The following OPCML variants were observed in gnomAD, a reference collection of about 807,000 sequenced individuals.
OPCML encodes the protein opioid binding protein/cell adhesion molecule like.
Under a neutral mutation model 37.8 loss-of-function variants are expected in OPCML, and 13 were observed. The observed-to-expected ratio is 0.34, with a 90% CI of 0.22 to 0.55. The LOEUF (loss-of-function observed/expected upper bound fraction) is 0.55. OPCML is among the 20% of genes least tolerant of loss of function. The pLI is 0.91. For synonymous variants in OPCML, 176 were observed against 168.8 expected (o/e 1.04, Z -0.33); for missense variants, 341 against 435.6 (o/e 0.78, Z 1.93).
intron 1 of OPCML, among the ~76,000 whole-genome samples, chr11:133,480,480 TGCTC>T (rs1031216456): frequency 6.6e-6 from 1 of 152,214 alleles, no homozygotes; most frequent in Non-Finnish European, 1.5e-5. Flanking sequence ...GCCTTCCACT[TGCTC>T]GCCACGTGAC....
chr11:132,605,494 G>T (rs548201386), intron 3 of OPCML, among the ~76,000 whole-genome samples: 4 of 152,208 alleles, frequency 2.6e-5, no homozygotes, highest in South Asian at 2.1e-4. Context: ...AACCCGGGAG[G>T]TGGAGGTTGC....
intron 1 of OPCML, among the ~76,000 whole-genome samples, chr11:133,051,446 C>T (rs1948130067): frequency 6.6e-6 from 1 of 152,172 alleles, no homozygotes; most frequent in Admixed American, 6.5e-5. Flanking sequence ...TTAAAGCACC[C>T]CTTCCTGTTC....
At chr11:132,750,325 T>C (rs1349974637) in intron 2 of OPCML, among the ~76,000 whole-genome samples, 1 of 152,210 alleles carries the variant, frequency 6.6e-6, no homozygotes, top group African/African-American at 2.4e-5. Flanking sequence ...AGCATGTGTA[T>C]GTCTGCTGAT....
intron 4 of OPCML, among the ~76,000 whole-genome samples, chr11:132,512,775 TA>T (rs916962296): frequency 1.3e-5 from 2 of 151,762 alleles, no homozygotes; most frequent in Admixed American, 1.3e-4. Flanking sequence ...TATTAAACTC[TA>T]AAAAAGTCTA....
In OPCML at chr11:132,681,760, C is replaced by A. The variant is rs1297514092; in HGVS notation, c.147-24441G>T. On this transcript the variant is annotated intron_variant, in intron 2 of 7. Coordinates refer to ENST00000524381, the MANE Select transcript of OPCML (RefSeq NM_001012393.5). ...CACGAGGTCAGGAGATCGAGACCAT[C>A]CTGGCTAACACGGTGAAACCCCGTC... Among the ~76,000 whole-genome samples, 8 of 152,064 alleles carry A rather than the reference C, an allele frequency of 5.3e-5. No homozygotes were observed. In the East Asian group the frequency reaches 1.6e-3, roughly 29 times the overall value.
rs181644328 is a variant in OPCML at position 133,236,585 on chromosome 11, A to C, written c.62-293575T>G. ...CAAAATTTATTCAAAGACCTGTGCT[A>C]ACATTCTTAAATACCTGCTAGCCGT... is the stretch of plus-strand genomic sequence containing the variant. On this transcript the variant is annotated intron_variant, in intron 1 of 7. Transcript: ENST00000524381. Among the ~76,000 whole-genome samples the C allele has an allele frequency of 1.7e-3, 260 of 152,344 alleles. 1 individual carries two copies. Among genetic ancestry groups the C allele is most frequent in the African/African-American group, 5.9e-3 (246 of 41,564 alleles).
intron 3 of OPCML, among the ~76,000 whole-genome samples, chr11:132,541,907 G>C (rs1402243974): frequency 6.6e-6 from 1 of 152,200 alleles, no homozygotes; most frequent in African/African-American, 2.4e-5. Context: ...GCAAGGTTTG[G>C]AACAGAAGTG....
chr11:133,266,103 C>G (rs544004234), intron 1 of OPCML, among the ~76,000 whole-genome samples: 35 of 152,148 alleles, frequency 2.3e-4, no homozygotes, highest in Admixed American at 7.9e-4. Context: ...TCAGGGTAAC[C>G]AATCCCAAGT....
Position 133,280,514 on chromosome 11 carries a change from T to A in OPCML, c.61+251750A>T, listed in dbSNP as rs114957325. Reference sequence around the variant, plus strand: ...CTACTCTGCCCTCCCCATTTTAAATTTCAAGACAAGATCAAATCCCCTAAC... The same window carrying A: ...CTACTCTGCCCTCCCCATTTTAAATATCAAGACAAGATCAAATCCCCTAAC... On this transcript the variant is annotated intron_variant, in intron 1 of 7. Coordinates refer to ENST00000524381, the MANE Select transcript of OPCML (RefSeq NM_001012393.5). 9.7e-3 allele frequency among the ~76,000 whole-genome samples: 1,478 copies of A among 152,272 alleles called. 19 individuals are homozygous for A. The highest frequency in any genetic ancestry group is 0.034 in the African/African-American group (1,416 of 41,554).
At chr11:133,304,806 C>A (rs922322887) in intron 1 of OPCML, among the ~76,000 whole-genome samples, 3 of 152,178 alleles carry the variant, frequency 2.0e-5, no homozygotes, top group African/African-American at 7.2e-5. Flanking sequence ...CACGTAACCC[C>A]TTCCTTTTCA....
intron 2 of OPCML, among the ~76,000 whole-genome samples, chr11:132,800,299 A>T (rs2136200854): frequency 6.6e-6 from 1 of 152,328 alleles, no homozygotes. Flanking sequence ...AGTTCTAATC[A>T]AACTTTTAAT....
intron 1 of OPCML, among the ~76,000 whole-genome samples, chr11:133,329,094 G>C (rs1282300553): frequency 6.6e-6 from 1 of 152,132 alleles, no homozygotes; most frequent in Non-Finnish European, 1.5e-5. Context: ...TTGCTTCAAA[G>C]AGAATAAAAT....
chr11:132,540,527 C>T (rs2096353623), intron 3 of OPCML, among the ~76,000 whole-genome samples: 1 of 152,142 alleles, frequency 6.6e-6, no homozygotes, highest in African/African-American at 2.4e-5. Context: ...GTTATTTGGT[C>T]TTATATACTC....
chr11:132,833,672 C>A (rs938792936), intron 2 of OPCML, among the ~76,000 whole-genome samples: 1 of 152,212 alleles, frequency 6.6e-6, no homozygotes, highest in African/African-American at 2.4e-5. Context: ...TTTACACCAG[C>A]ATCACTACAA....
chr11:132,872,055 C>T (rs1422975267), intron 2 of OPCML, among the ~76,000 whole-genome samples: 1 of 152,162 alleles, frequency 6.6e-6, no homozygotes, highest in Admixed American at 6.5e-5. Flanking sequence ...TCCTTTCTAA[C>T]ATATTATGTT....
intron 1 of OPCML, among the ~76,000 whole-genome samples, chr11:133,448,904 C>G (rs950574294): frequency 6.6e-6 from 1 of 152,206 alleles, no homozygotes; most frequent in Non-Finnish European, 1.5e-5. Context: ...TTTATCTCTA[C>G]TGCCAAATTT....
chr11:133,327,919 G>A (rs752273630), intron 1 of OPCML, among the ~76,000 whole-genome samples: 1 of 152,144 alleles, frequency 6.6e-6, no homozygotes, highest in Non-Finnish European at 1.5e-5. Flanking sequence ...GTTTTGAGAA[G>A]ACACTTGGAG....
intron 1 of OPCML, among the ~76,000 whole-genome samples, chr11:133,327,422 T>C (rs1031879819): frequency 6.6e-6 from 1 of 151,956 alleles, no homozygotes; most frequent in African/African-American, 2.4e-5. Flanking sequence ...TATATATCCA[T>C]CTGGAGTGTC....
chr11:133,252,430 C>T (rs1166553970), intron 1 of OPCML, among the ~76,000 whole-genome samples: 1 of 152,140 alleles, frequency 6.6e-6, no homozygotes, highest in Non-Finnish European at 1.5e-5. Flanking sequence ...TTTCAAATTT[C>T]TGTTGCTTGG....
Sources: gnomAD v4.1 joint callset for allele counts (sites outside exome capture counted in the v4.1 genomes callset) on GRCh38, gnomAD v4.1.1 for gene constraint, MANE v1.5 for transcripts, NCBI Gene and HGNC (gene_info 2026-07-23, HGNC 2026-07-21) for gene names.